The following NAE1 variants were observed in gnomAD, a reference collection of about 807,000 sequenced individuals.
The protein encoded by NAE1 is NEDD8 activating enzyme E1 subunit 1, also known as NEDD8-activating enzyme E1 regulatory subunit.
NAE1 carries 59 observed loss-of-function variants against 88.0 expected under a neutral mutation model. The observed-to-expected ratio is 0.67, with a 90% CI of 0.54 to 0.83. The LOEUF (loss-of-function observed/expected upper bound fraction) is 0.83. NAE1 is among the 40% of genes least tolerant of loss of function. NAE1 has a pLI of 0.00. For missense variants in NAE1, 554 were observed against 632.8 expected, an observed-to-expected ratio of 0.88 and a Z score of 1.34; for synonymous variants, 186 against 208.9, an observed-to-expected ratio of 0.89 and a Z score of 0.95.
chr16:66,814,610 TACAC>T (rs10693264), intron 11 of NAE1, among the ~76,000 whole-genome samples: 3 of 138,954 alleles, frequency 2.2e-5, no homozygotes, highest in Non-Finnish European at 4.6e-5. Context: ...AAAAAAAAAA[TACAC>T]ACACACACAC....
intron 4 of NAE1, 86 bp from the exon 5 acceptor site, chr16:66,823,686 T>G: frequency 9.8e-7 from 1 of 1,017,624 alleles, no homozygotes; most frequent in Non-Finnish European, 1.4e-6. Flanking sequence ...GCAAACATAC[T>G]GTAAAACTAT....
chr16:66,810,357 A>T lies in NAE1; in HGVS notation c.1150+17T>A. ...TTCTATCAAGCAAAATAAGGAAATT[A>T]ATTCAAGGGGACTTACAGAGTAATT... On this transcript the variant is annotated intron_variant, in intron 15 of 19. Transcript: ENST00000290810. The T allele has an allele frequency of 6.3e-7, 1 of 1,575,558 alleles. No individual in the cohort carries two copies. The highest frequency in any genetic ancestry group is 8.7e-7 in the Non-Finnish European group (1 of 1,147,526).
intron 19 of NAE1, among the ~76,000 whole-genome samples, chr16:66,804,256 C>A (rs947274396): frequency 2.7e-4 from 37 of 137,728 alleles, no homozygotes; most frequent in African/African-American, 7.8e-4. Flanking sequence ...AAAAAAAAAA[C>A]AAAGAAAACC....
At position 66,805,943 on chromosome 16, in the gene NAE1, C is replaced by G; in HGVS notation, c.1414G>C (p.Val472Leu). 6.2e-7 allele frequency: 1 copy of G among 1,612,852 alleles called. No homozygotes were observed. Among genetic ancestry groups the G allele is most frequent in the Non-Finnish European group, 8.5e-7 (1 of 1,179,610 alleles). ...TGGACATAATCATCTTTCACCATTA[C>G]AGATAAACCATATTCCTGAAGGAAG... ...TGFLQEYGLS[V>L]MVKDDYVHEF... Residue 472 changes from valine to leucine, a missense_variant, in exon 18 of 20, where the codon GTA becomes CTA. Val to Leu is a conservative substitution (Grantham distance 32). Transcript: ENST00000290810.
chr16:66,818,615 A>G lies in NAE1; in HGVS notation c.534T>C (p.Asn178=), dbSNP rs767967926. 3 of 1,611,086 alleles carry G rather than the reference A, an allele frequency of 1.9e-6. No individual in the cohort carries two copies. Among genetic ancestry groups the G allele is most frequent in the Admixed American group, 3.4e-5 (2 of 59,448 alleles). The change falls in exon 8 of 20, where the codon AAT becomes AAC. Residue 178 remains asparagine (N), a synonymous_variant. Transcript: ENST00000290810. The part of the protein sequence containing the change: ...EHPVIESHPD[N]ALEDLRLDKP... ...TATCTAGTCGTAGATCCTCTAATGC[A>G]TTATCTGGATGAGATTCTATTACTG...
At chr16:66,819,572 G>A (rs1027348183) in intron 7 of NAE1, among the ~76,000 whole-genome samples, 5 of 152,052 alleles carry the variant, frequency 3.3e-5, no homozygotes, top group African/African-American at 7.2e-5. Context: ...AAAATGCTTG[G>A]GACCATAAGT....
intron 7 of NAE1, among the ~76,000 whole-genome samples, chr16:66,820,676 C>T (rs1238881432): frequency 1.3e-5 from 2 of 151,884 alleles, no homozygotes; most frequent in Non-Finnish European, 1.5e-5. Context: ...CCAAGGCGGG[C>T]AGATCACGAG....
intron 4 of NAE1, among the ~76,000 whole-genome samples, chr16:66,824,038 A>G (rs1381707818): frequency 2.6e-5 from 4 of 152,222 alleles, no homozygotes; most frequent in African/African-American, 9.6e-5. Context: ...CTCCCAGCCA[A>G]TTCTGCTTCT....
At chr16:66,814,323 G>C (rs1477039590) in intron 11 of NAE1, among the ~76,000 whole-genome samples, 3 of 152,094 alleles carry the variant, frequency 2.0e-5, no homozygotes, top group Admixed American at 6.5e-5. Flanking sequence ...TGAGCACAAT[G>C]GCTCATATCT....
rs1171944530 is a variant in NAE1, at chr16:66,823,286, G to A, written c.342C>T (p.Asp114=). The A allele has an allele frequency of 5.6e-6, 9 of 1,603,000 alleles. No individual in the cohort carries two copies. Among genetic ancestry groups the A allele is most frequent in the Middle Eastern group, 3.3e-4 (2 of 6,046 alleles). Reference sequence around the variant, plus strand: ...ACCTACAGAAAAATGAGGGATCATTGTCTAGAAGGTTTTCTGGACTCTAAA... The same window carrying A: ...ACCTACAGAAAAATGAGGGATCATTATCTAGAAGGTTTTCTGGACTCTAAA... The part of the protein sequence containing the change: ...FVEESPENLL[D]NDPSFFCRFT... The change falls in exon 6 of 20, where the codon GAC becomes GAT. Residue 114 remains aspartate, a synonymous_variant. Coordinates refer to ENST00000290810, the MANE Select transcript of NAE1 (RefSeq NM_003905.4).
chr16:66,822,784 C>G (rs964212579), intron 6 of NAE1, among the ~76,000 whole-genome samples: 11 of 149,372 alleles, frequency 7.4e-5, no homozygotes, highest in Non-Finnish European at 1.5e-4. Flanking sequence ...ATTCTCTTGT[C>G]TCAGCTTCCC....
In NAE1 at chr16:66,826,698, G is replaced by C. The variant is rs765961279; in HGVS notation, c.136C>G (p.Leu46Val). The C allele has an allele frequency of 6.2e-7, 1 of 1,614,084 alleles. No homozygotes were observed. Residue 46 changes from leucine (L) to valine (V), a missense_variant, in exon 2 of 20, where the codon CTT becomes GTT. Transcript: ENST00000290810. Reference protein sequence around the residue: ...INATATGTEILKNLVLPGIGS... With the variant: ...INATATGTEIVKNLVLPGIGS... Reference sequence around the variant, plus strand: ...TTACCTGGTAGTACCAAGTTTTTAAGAATTTCAGTTCCTGTGGCTGTTGCA... The same window carrying C: ...TTACCTGGTAGTACCAAGTTTTTAACAATTTCAGTTCCTGTGGCTGTTGCA...
Position 66,810,696 on chromosome 16 carries a change from C to A in NAE1, c.1110+1G>T, listed in dbSNP as rs748263443. 1 of 1,613,770 alleles carries A rather than the reference C, an allele frequency of 6.2e-7. No individual in the cohort carries two copies. The highest frequency in any genetic ancestry group is 1.1e-5 in the South Asian group (1 of 91,066). On this transcript the variant is annotated splice_donor_variant, in intron 14 of 19. Transcript: ENST00000290810. LOFTEE classifies it high-confidence loss of function. Reference sequence around the variant, plus strand: ...TGGGCACAGTGTGCCCAGTAGCTTACCTGGCCAATGGACTGCAGCAATTTG... The same window carrying A: ...TGGGCACAGTGTGCCCAGTAGCTTAACTGGCCAATGGACTGCAGCAATTTG...
chr16:66,821,069 T>TA (rs550241187), intron 7 of NAE1, among the ~76,000 whole-genome samples: 324 of 152,060 alleles, frequency 2.1e-3, no homozygotes, highest in Non-Finnish European at 3.6e-3. Flanking sequence ...AACTCTGTCT[T>TA]AAAAAACAAA....
intron 11 of NAE1, 116 bp downstream of exon 11, chr16:66,816,465 T>C (rs2145332020): frequency 1.2e-6 from 1 of 835,450 alleles, no homozygotes; most frequent in African/African-American, 1.7e-5. Context: ...CCTGTATTTA[T>C]TTCTAACTAT....
chr16:66,816,139 T>C (rs571699826), intron 11 of NAE1, among the ~76,000 whole-genome samples: 89 of 152,280 alleles, frequency 5.8e-4, no homozygotes, highest in Non-Finnish European at 1.1e-3. Flanking sequence ...AAAACTTCAA[T>C]GGTCAGACCT....
chr16:66,830,391 T>A (rs1160566199), intron 1 of NAE1, among the ~76,000 whole-genome samples: 1 of 152,290 alleles, frequency 6.6e-6, no homozygotes, highest in Non-Finnish European at 1.5e-5. Flanking sequence ...CTGTTTCATT[T>A]TACCTTTAGT....
At chr16:66,823,385 G>A in intron 5 of NAE1, 79 bp from the exon 6 acceptor site, 3 of 1,355,532 alleles carry the variant, frequency 2.2e-6, no homozygotes, top group Admixed American at 4.2e-5. Flanking sequence ...AGACAGTTAA[G>A]CTATTTTACA....
chr16:66,829,202 T>C (rs1052465862), intron 1 of NAE1, among the ~76,000 whole-genome samples: 1 of 152,218 alleles, frequency 6.6e-6, no homozygotes, highest in African/African-American at 2.4e-5. Flanking sequence ...TTAAATGGAA[T>C]GCCCTCAGCA....
Sources: allele counts gnomAD v4.1 joint callset (sites outside exome capture counted in the v4.1 genomes callset), GRCh38; gene constraint gnomAD v4.1.1; transcripts MANE v1.5; gene names NCBI Gene and HGNC (gene_info 2026-07-23, HGNC 2026-07-21).